The following RPL5 variants were observed in gnomAD, a reference collection of about 807,000 sequenced individuals.
RPL5 encodes large ribosomal subunit protein uL18.
Under a neutral mutation model 38.4 loss-of-function variants are expected in RPL5, and 1 was observed. That is an observed-to-expected ratio of 0.03 (90% confidence interval 0.01 to 0.12). The LOEUF (loss-of-function observed/expected upper bound fraction) is 0.12. Ranked by LOEUF, RPL5 falls within the 10% of genes least tolerant of loss-of-function variation. RPL5 has a pLI of 1.00. For synonymous variants in RPL5, 109 were observed against 121.2 expected (o/e 0.90, Z 0.66); for missense variants, 243 against 374.1 (o/e 0.65, Z 2.89).
chr1:92,839,340 CAG>C (rs1289704879), intron 6 of RPL5, among the ~76,000 whole-genome samples: 1 of 152,114 alleles, frequency 6.6e-6, no homozygotes. Context: ...GCCTGGGCAA[CAG>C]AGCGAGACTT....
chr1:92,836,683 G>C (rs1020377491), intron 5 of RPL5: 1 of 371,294 alleles, frequency 2.7e-6, no homozygotes, highest in Non-Finnish European at 5.0e-6. Flanking sequence ...TTAGAAATGA[G>C]CAACTCCATC....
At chr1:92,837,884 C>G (rs1429604977) in intron 6 of RPL5, 1 of 512,088 alleles carries the variant, frequency 2.0e-6, no homozygotes, top group African/African-American at 1.9e-5. Context: ...TAGTTGTAAT[C>G]TGCTTTGTTG....
chr1:92,832,370 G>A, intron 1 of RPL5: 1 of 630,534 alleles, frequency 1.6e-6, no homozygotes, highest in Non-Finnish European at 2.9e-6. Context: ...GGTGAGTTTA[G>A]TAGACAGCCT....
At chr1:92,832,003 TC>T, upstream of RPL5, 2 of 1,533,856 alleles carry the variant, frequency 1.3e-6, no homozygotes, top group Non-Finnish European at 1.8e-6. Flanking sequence ...GGCGTGACCG[TC>T]CGCGCTACAT....
chr1:92,834,396 T>C (rs1687035824), intron 3 of RPL5, among the ~76,000 whole-genome samples: 1 of 152,200 alleles, frequency 6.6e-6, no homozygotes, highest in Non-Finnish European at 1.5e-5. Flanking sequence ...ATCCTGGGCT[T>C]TTACAACTAG....
At chr1:92,834,637 G>T in intron 3 of RPL5, 142 bp from the exon 4 acceptor site, 1 of 1,090,400 alleles carries the variant, frequency 9.2e-7, no homozygotes, top group East Asian at 2.5e-5. Context: ...TAATTTACTG[G>T]TAACCCAGCT....
At chr1:92,841,326 T>C (rs1396587137) in intron 7 of RPL5, among the ~76,000 whole-genome samples, 1 of 152,224 alleles carries the variant, frequency 6.6e-6, no homozygotes, top group Non-Finnish European at 1.5e-5. Context: ...CTCCACTTCA[T>C]TCATGTTGCA....
At position 92,832,932 on chromosome 1, in the gene RPL5, G is replaced by A. The variant is rs1347901995; in HGVS notation, c.4-457G>A. ...AGTTGTTATTTGAGGCTAGGTTTTCGAAGTGGGACATAGCGTGTTCCGAAC... is the reference window on the plus strand; with the variant it reads ...AGTTGTTATTTGAGGCTAGGTTTTCAAAGTGGGACATAGCGTGTTCCGAAC... On this transcript the variant is annotated intron_variant, in intron 1 of 7. Transcript: ENST00000370321. The A allele has an allele frequency of 8.8e-6, 6 of 683,400 alleles. No individual in the cohort carries two copies. In the African/African-American group the frequency reaches 1.1e-4, roughly 12 times the overall value. The allele number at this position is 683,400 out of a possible 1,614,324, so 42.3% of individuals were successfully genotyped here.
intron 4 of RPL5, 31 bp from the exon 5 acceptor site, chr1:92,836,159 A>C: frequency 6.3e-7 from 1 of 1,589,476 alleles, no homozygotes. Context: ...TGAATAATTG[A>C]AACCAGCATT....
chr1:92,839,119 G>A (rs974533363), intron 6 of RPL5, among the ~76,000 whole-genome samples: 2 of 151,784 alleles, frequency 1.3e-5, no homozygotes, highest in Non-Finnish European at 2.9e-5. Flanking sequence ...CCGGACTTGG[G>A]AGGCCGTGGT....
chr1:92,839,031 C>CTT (rs35078348), intron 6 of RPL5, among the ~76,000 whole-genome samples: 7,736 of 118,200 alleles, frequency 0.065, 357 homozygotes, highest in Non-Finnish European at 0.078. Flanking sequence ...AGAGTTGCAG[C>CTT]TTTTTTTTTT....
At position 92,832,068 on chromosome 1, in the gene RPL5, C is replaced by G. The variant is rs370494227; in HGVS notation, c.-47C>G. The G allele has an allele frequency of 2.5e-5, 40 of 1,613,224 alleles. No individual in the cohort carries two copies. The highest frequency in any genetic ancestry group is 3.3e-5 in the Non-Finnish European group (39 of 1,179,726). On this transcript the variant is annotated 5_prime_UTR_variant, in exon 1 of 8. Coordinates refer to ENST00000370321, the MANE Select transcript of RPL5 (RefSeq NM_000969.5). The stretch of plus-strand genomic sequence containing the variant: ...TTTCCCACCCCCTAGCGCCGCTGGG[C>G]CTGCAGGTCTCTGTCGAGCAGCGGA...
intron 6 of RPL5, 23 bp from the exon 7 acceptor site, chr1:92,840,528 C>T: frequency 1.3e-6 from 2 of 1,558,690 alleles, no homozygotes; most frequent in Middle Eastern, 2.1e-4. Flanking sequence ...AAACCAAGTA[C>T]TGTTTGCTTT....
At chr1:92,838,369 C>T (rs978307299) in intron 6 of RPL5, among the ~76,000 whole-genome samples, 1 of 152,138 alleles carries the variant, frequency 6.6e-6, no homozygotes, top group Non-Finnish European at 1.5e-5. Context: ...TGACTTCATC[C>T]TGGTAAAGAG....
rs763905952 is a variant in RPL5, at chr1:92,833,649, A to G, written c.178A>G (p.Ile60Val). Residue 60 changes from isoleucine (I) to valine (V), a missense_variant, in exon 3 of 8, where the codon ATC (isoleucine) becomes GTC (valine). Ile to Val is a conservative substitution (Grantham distance 29, BLOSUM62 3). Transcript: ENST00000370321. ...RMIVRVTNRD[I>V]ICQIAYARIE... ...GATAGTTCGTGTGACAAACAGAGATATCATTTGTCAGGTAAGTTGTATTCT... is the reference window on the plus strand; with the variant it reads ...GATAGTTCGTGTGACAAACAGAGATGTCATTTGTCAGGTAAGTTGTATTCT... The G allele has an allele frequency of 8.1e-6, 13 of 1,610,298 alleles. No homozygotes were observed. The highest frequency in any genetic ancestry group is 1.1e-5 in the Non-Finnish European group (13 of 1,178,444).
In RPL5 at chr1:92,832,943, T is replaced by A. The variant is rs61634219; in HGVS notation, c.4-446T>A. 6.3e-3 allele frequency: 4,481 copies of A among 706,086 alleles called. 149 individuals carry two copies. In the African/African-American group the frequency reaches 0.069, roughly 11 times the overall value. The allele number at this position is 706,086 out of a possible 1,614,324, so 43.7% of individuals were successfully genotyped here. A position where few individuals can be genotyped will look rare whatever the true frequency, so the allele number is the denominator to read the frequency against. ...GAGGCTAGGTTTTCGAAGTGGGACA[T>A]AGCGTGTTCCGAACAAACCGACGTT... On this transcript the variant is annotated intron_variant, in intron 1 of 7. Transcript: ENST00000370321.
At chr1:92,839,031 CTT>C (rs35078348) in intron 6 of RPL5, among the ~76,000 whole-genome samples, 19 of 118,258 alleles carry the variant, frequency 1.6e-4, no homozygotes, top group Admixed American at 1.8e-4. Flanking sequence ...AGAGTTGCAG[CTT>C]TTTTTTTTTT....
chr1:92,832,193 C>T lies in RPL5; in HGVS notation c.3+76C>T, dbSNP rs1686934203. 3.8e-6 allele frequency: 6 copies of T among 1,596,068 alleles called. 1 individual carries two copies. In the South Asian group the frequency reaches 4.5e-5, roughly 12 times the overall value. On this transcript the variant is annotated intron_variant, in intron 1 of 7. Coordinates refer to ENST00000370321, the MANE Select transcript of RPL5 (RefSeq NM_000969.5). ...TCTTGCCCGTATGCCAGCCTAGGGC[C>T]CGTCTCGCGCGTCGCAGGGGCCGGA...
intron 7 of RPL5, chr1:92,840,843 A>C (rs762543079): frequency 7.2e-6 from 5 of 695,886 alleles, no homozygotes; most frequent in South Asian, 6.8e-5. Context: ...TTTCTATCCT[A>C]GTACAGTCTA....
Sources: gnomAD v4.1 joint callset for allele counts (sites outside exome capture counted in the v4.1 genomes callset) on GRCh38, gnomAD v4.1.1 for gene constraint, MANE v1.5 for transcripts, NCBI Gene and HGNC (gene_info 2026-07-23, HGNC 2026-07-21) for gene names.